Variants in PRICKLE2 observed in about 807,000 individuals in gnomAD.
The protein encoded by PRICKLE2 is prickle planar cell polarity protein 2.
PRICKLE2 carries 21 observed loss-of-function variants against 81.4 expected under a neutral mutation model. That is an observed-to-expected ratio of 0.26 (90% CI 0.18 to 0.37). The LOEUF is 0.37. PRICKLE2 is among the 10% of genes least tolerant of loss of function. The pLI, the probability that PRICKLE2 is intolerant of heterozygous loss-of-function variation, is 1.00. For missense variants in PRICKLE2, 940 were observed against 1,109.0 expected, an observed-to-expected ratio of 0.85 and a Z score of 2.16; for synonymous variants, 456 against 421.5, an observed-to-expected ratio of 1.08 and a Z score of -1.00.
chr3:64,245,759 G>A (rs2079340146), intron 2 of PRICKLE2, among the ~76,000 whole-genome samples: 1 of 152,130 alleles, frequency 6.6e-6, no homozygotes, highest in African/African-American at 2.4e-5. Flanking sequence ...GAAGATCCAG[G>A]GTTTGAAATC....
chr3:64,135,966 T>C (rs1046462555), intron 7 of PRICKLE2, among the ~76,000 whole-genome samples: 1 of 152,198 alleles, frequency 6.6e-6, no homozygotes, highest in Non-Finnish European at 1.5e-5. Flanking sequence ...GTTGTCCACC[T>C]TTTCTGATGC....
intron 2 of PRICKLE2, among the ~76,000 whole-genome samples, chr3:64,236,266 C>G (rs892841889): frequency 6.6e-6 from 1 of 152,082 alleles, no homozygotes; most frequent in African/African-American, 2.4e-5. Flanking sequence ...AGCCCTCGAT[C>G]CCCAGGGCCC....
chr3:64,119,723 A>T (rs925670285), intron 7 of PRICKLE2, among the ~76,000 whole-genome samples: 1 of 152,234 alleles, frequency 6.6e-6, no homozygotes, highest in African/African-American at 2.4e-5. Flanking sequence ...TCCAAAAGAA[A>T]ATAAAACATT....
intron 7 of PRICKLE2, among the ~76,000 whole-genome samples, chr3:64,128,920 T>TTA (rs1032033313): frequency 6.8e-4 from 102 of 150,962 alleles, no homozygotes; most frequent in Non-Finnish European, 1.2e-3. Context: ...GATTTTTTAT[T>TTA]TTTTTTTTAA....
chr3:64,117,411 A>G (rs927786790), intron 7 of PRICKLE2, among the ~76,000 whole-genome samples: 8 of 152,120 alleles, frequency 5.3e-5, no homozygotes, highest in Non-Finnish European at 8.8e-5. Flanking sequence ...AAGTCAAATC[A>G]TCCCTGTTTG....
At chr3:64,154,529 G>A (rs1244364694) in intron 5 of PRICKLE2, 1 of 152,138 alleles carries the variant, frequency 6.6e-6, no homozygotes, top group African/African-American at 2.4e-5. Context: ...CTGGGTGACA[G>A]GGTGAAACTC....
Position 64,098,881 on chromosome 3 carries a change from T to C in PRICKLE2, c.*170A>G. The C allele has an allele frequency of 1.4e-6, 1 of 702,558 alleles. No homozygotes were observed. Among genetic ancestry groups the C allele is most frequent in the Non-Finnish European group, 2.5e-6 (1 of 401,744 alleles). The allele number at this position is 702,558 out of a possible 1,614,324, so 43.5% of individuals were successfully genotyped here. On this transcript the variant is annotated 3_prime_UTR_variant, in exon 8 of 8. Transcript: ENST00000638394. ...AAATAATATTCAACATGCCAAGAAC[T>C]GTGACTACCTATTGAGTCAACCTGT...
At chr3:64,257,372 G>C (rs1171576311) in intron 2 of PRICKLE2, among the ~76,000 whole-genome samples, 1 of 152,176 alleles carries the variant, frequency 6.6e-6, no homozygotes, top group African/African-American at 2.4e-5. Context: ...AAACACTGGG[G>C]ATGGGAGTAT....
chr3:64,165,963 G>GGTGTGTGTGTGTGTGTGT (rs67554015), intron 2 of PRICKLE2, among the ~76,000 whole-genome samples: 2 of 61,832 alleles, frequency 3.2e-5, no homozygotes, highest in Admixed American at 2.0e-4. Context: ...CTGTTATAAA[G>GGTGTGTGTGTGTGTGTGT]GTGTGTGTGT....
At chr3:64,220,631 C>T (rs1425468926) in intron 1 of PRICKLE2, among the ~76,000 whole-genome samples, 1 of 152,146 alleles carries the variant, frequency 6.6e-6, no homozygotes, top group African/African-American at 2.4e-5. Context: ...ACTATTGCTT[C>T]CTCCTGTAGG....
intron 2 of PRICKLE2, among the ~76,000 whole-genome samples, chr3:64,185,156 AT>A (rs1210471983): frequency 6.6e-6 from 1 of 152,202 alleles, no homozygotes. Flanking sequence ...CCCTGAGGAA[AT>A]TATTACCTTC....
At chr3:64,161,859 C>T (rs548380538) in intron 3 of PRICKLE2, among the ~76,000 whole-genome samples, 14 of 152,204 alleles carry the variant, frequency 9.2e-5, no homozygotes, top group African/African-American at 3.4e-4. Flanking sequence ...CTTGTAAAAA[C>T]CCGCATTTTC....
intron 1 of PRICKLE2, among the ~76,000 whole-genome samples, chr3:64,214,382 T>C (rs559245235): frequency 3.3e-5 from 5 of 152,276 alleles, no homozygotes; most frequent in South Asian, 2.1e-4. Context: ...TCAATTCAGA[T>C]TGAGTTAGAC....
intron 2 of PRICKLE2, among the ~76,000 whole-genome samples, chr3:64,197,560 G>A (rs1363201457): frequency 6.6e-6 from 1 of 152,174 alleles, no homozygotes; most frequent in African/African-American, 2.4e-5. Flanking sequence ...GGAGGAACAT[G>A]CACAGAGTTG....
At chr3:64,170,124 C>A (rs1376532745) in intron 2 of PRICKLE2, among the ~76,000 whole-genome samples, 1 of 152,140 alleles carries the variant, frequency 6.6e-6, no homozygotes, top group Non-Finnish European at 1.5e-5. Context: ...GGCTCCTTCC[C>A]TTTTCTCCTG....
chr3:64,213,135 G>A (rs1241798933), intron 1 of PRICKLE2, among the ~76,000 whole-genome samples: 1 of 147,532 alleles, frequency 6.8e-6, no homozygotes, highest in Non-Finnish European at 1.5e-5. Flanking sequence ...GGAGTGCAAT[G>A]GCGCAATCTC....
chr3:64,170,658 G>C (rs539982676), intron 2 of PRICKLE2, among the ~76,000 whole-genome samples: 3 of 149,678 alleles, frequency 2.0e-5, no homozygotes, highest in Non-Finnish European at 3.0e-5. Flanking sequence ...CCAGGAGTTC[G>C]AGACTGGCCT....
intron 7 of PRICKLE2, among the ~76,000 whole-genome samples, chr3:64,113,908 C>G (rs2076892409): frequency 6.6e-6 from 1 of 152,232 alleles, no homozygotes; most frequent in Non-Finnish European, 1.5e-5. Context: ...CCACTCCACC[C>G]AGCTATGCTG....
intron 1 of PRICKLE2, among the ~76,000 whole-genome samples, chr3:64,216,406 A>G (rs544752813): frequency 6.6e-6 from 1 of 152,310 alleles, no homozygotes; most frequent in South Asian, 2.1e-4. Context: ...CTGGTTTGGA[A>G]AACTGGTTAA....
Sources: allele counts gnomAD v4.1 joint callset (sites outside exome capture counted in the v4.1 genomes callset), GRCh38; gene constraint gnomAD v4.1.1; transcripts MANE v1.5; gene names NCBI Gene and HGNC (gene_info 2026-07-23, HGNC 2026-07-21).